The following LPGAT1 variants were observed in gnomAD, a reference collection of about 807,000 sequenced individuals.
The protein encoded by LPGAT1 is lysophosphatidylglycerol acyltransferase 1, also known as acyl-CoA:lysophosphatidylglycerol acyltransferase 1.
LPGAT1 carries 11 observed loss-of-function variants against 47.5 expected under a neutral mutation model. The observed-to-expected ratio is 0.23, with a 90% CI of 0.15 to 0.38. The LOEUF is 0.38. LPGAT1 is among the 10% of genes least tolerant of loss of function. The pLI, the probability that LPGAT1 is intolerant of heterozygous loss-of-function variation, is 1.00. For synonymous variants in LPGAT1, 138 were observed against 144.2 expected (o/e 0.96, Z 0.31); for missense variants, 293 against 439.0 (o/e 0.67, Z 2.97).
At chr1:211,788,678 T>C (rs537740021) in intron 3 of LPGAT1, among the ~76,000 whole-genome samples, 13 of 151,156 alleles carry the variant, frequency 8.6e-5, no homozygotes, top group African/African-American at 2.9e-4. Context: ...AGAGACTCTT[T>C]ATTAAAAAAA....
At chr1:211,755,217 A>G (rs919213652) in intron 6 of LPGAT1, among the ~76,000 whole-genome samples, 5 of 151,938 alleles carry the variant, frequency 3.3e-5, no homozygotes, top group African/African-American at 1.2e-4. Flanking sequence ...ATGCGCCTGT[A>G]GTCCCAGCTA....
At chr1:211,782,688 T>C (rs547498823) in intron 5 of LPGAT1, among the ~76,000 whole-genome samples, 22 of 151,992 alleles carry the variant, frequency 1.4e-4, no homozygotes, top group African/African-American at 5.3e-4. Flanking sequence ...TGAGCTATGA[T>C]CATACCACTG....
intron 2 of LPGAT1, among the ~76,000 whole-genome samples, chr1:211,806,617 CA>C (rs1359643329): frequency 3.3e-5 from 5 of 152,198 alleles, no homozygotes; most frequent in East Asian, 3.9e-4. Context: ...CAGCATCATG[CA>C]ATATACTCAT....
rs534519729 is a variant in LPGAT1 at position 211,768,094 on chromosome 1, G to A, written c.854+10824C>T. 1.3e-5 allele frequency among the ~76,000 whole-genome samples: 2 copies of A among 152,106 alleles called. 1 individual carries two copies. The highest frequency in any genetic ancestry group is 3.9e-4 in the East Asian group (2 of 5,178). On this transcript the variant is annotated intron_variant, in intron 6 of 7. Transcript: ENST00000366997. Reference sequence around the variant, plus strand: ...ATTATGTAAATTAAAATCTCTTAAAGCTCAGTTTTAAATTATGGATAAAAC... The same window carrying A: ...ATTATGTAAATTAAAATCTCTTAAAACTCAGTTTTAAATTATGGATAAAAC...
chr1:211,795,770 CA>C (rs1659327875), intron 2 of LPGAT1, among the ~76,000 whole-genome samples: 2 of 152,198 alleles, frequency 1.3e-5, no homozygotes, highest in South Asian at 4.1e-4. Flanking sequence ...CATACAAACA[CA>C]CAAACACACA....
At chr1:211,799,815 T>C (rs1367257210) in intron 2 of LPGAT1, among the ~76,000 whole-genome samples, 2 of 152,210 alleles carry the variant, frequency 1.3e-5, no homozygotes, top group African/African-American at 2.4e-5. Flanking sequence ...TTGTCTTAAA[T>C]ATAATATGCT....
chr1:211,765,362 A>G (rs572192352), intron 6 of LPGAT1, among the ~76,000 whole-genome samples: 148 of 152,340 alleles, frequency 9.7e-4, no homozygotes, highest in African/African-American at 3.4e-3. Context: ...AGTTAAATGA[A>G]AAGGTTAGAC....
intron 6 of LPGAT1, among the ~76,000 whole-genome samples, chr1:211,778,007 T>C (rs1388272707): frequency 3.9e-5 from 6 of 152,134 alleles, no homozygotes; most frequent in Admixed American, 1.3e-4. Flanking sequence ...AGTTTACAAA[T>C]ACCATGGCAA....
At chr1:211,756,449 G>C (rs1471802670) in intron 6 of LPGAT1, among the ~76,000 whole-genome samples, 1 of 152,080 alleles carries the variant, frequency 6.6e-6, no homozygotes, top group Non-Finnish European at 1.5e-5. Flanking sequence ...TCCCACCTCA[G>C]CCTGAGTAGC....
At chr1:211,762,589 T>A (rs911200297) in intron 6 of LPGAT1, among the ~76,000 whole-genome samples, 1 of 152,220 alleles carries the variant, frequency 6.6e-6, no homozygotes, top group African/African-American at 2.4e-5. Flanking sequence ...GGAGTGCTTG[T>A]GGGATTTAAA....
At chr1:211,772,199 G>A (rs12046116) in intron 6 of LPGAT1, among the ~76,000 whole-genome samples, 2 of 152,080 alleles carry the variant, frequency 1.3e-5, no homozygotes, top group Non-Finnish European at 2.9e-5. Context: ...ATAGTTTGTC[G>A]TTTCTCCATT....
At chr1:211,773,484 T>A (rs914610605) in intron 6 of LPGAT1, among the ~76,000 whole-genome samples, 6 of 152,212 alleles carry the variant, frequency 3.9e-5, no homozygotes, top group Non-Finnish European at 7.4e-5. Flanking sequence ...AAGTTACACA[T>A]GAAAACAACA....
Position 211,783,221 on chromosome 1 carries a change from C to A in LPGAT1, c.727+8G>T. 6.3e-7 allele frequency: 1 copy of A among 1,596,126 alleles called. No individual in the cohort carries two copies. The highest frequency in any genetic ancestry group is 8.6e-7 in the Non-Finnish European group (1 of 1,167,658). ...CAACAAGGTAAAAAATGCTAAAAAC[C>A]ATCATACCTAATTCTTTAGCATCTC... On this transcript the variant is annotated splice_region_variant and intron_variant, in intron 5 of 7. Transcript: ENST00000366997.
At chr1:211,774,993 C>T (rs1465356248) in intron 6 of LPGAT1, among the ~76,000 whole-genome samples, 1 of 151,964 alleles carries the variant, frequency 6.6e-6, no homozygotes, top group East Asian at 1.9e-4. Flanking sequence ...CTTATTAACA[C>T]AGTATGAAGG....
At chr1:211,776,642 G>C (rs1402179432) in intron 6 of LPGAT1, among the ~76,000 whole-genome samples, 2 of 151,700 alleles carry the variant, frequency 1.3e-5, no homozygotes, top group Non-Finnish European at 2.9e-5. Context: ...ATCTTTTTAA[G>C]TCTGCTAAGA....
chr1:211,830,339 A>T lies in LPGAT1; in HGVS notation c.-28+234T>A. The stretch of plus-strand genomic sequence containing the variant: ...ACTCCCCTCGCGGCTGCCTGCGGAC[A>T]GAGGGACGGCGGGGACTCAGAGGCC... On this transcript the variant is annotated intron_variant, in intron 1 of 7. Transcript: ENST00000366997. This position sits in a 1 kb window ranked among gnomAD's most constrained non-coding sequence, Gnocchi z 5.9. The T allele has an allele frequency of 8.8e-7, 1 of 1,131,160 alleles. No homozygotes were observed. The highest frequency in any genetic ancestry group is 1.1e-6 in the Non-Finnish European group (1 of 923,658). 70.1% of individuals were successfully genotyped at this position (1,131,160 alleles called of 1,614,324 possible).
intron 2 of LPGAT1, among the ~76,000 whole-genome samples, chr1:211,807,267 A>C (rs1226677782): frequency 6.6e-6 from 1 of 152,230 alleles, no homozygotes; most frequent in Non-Finnish European, 1.5e-5. Flanking sequence ...GAAATCAAAA[A>C]AGCTCAAAAT....
At chr1:211,800,412 C>T (rs764196046) in intron 2 of LPGAT1, among the ~76,000 whole-genome samples, 17 of 152,028 alleles carry the variant, frequency 1.1e-4, no homozygotes, top group East Asian at 1.9e-4. Context: ...GCTTCCACTC[C>T]GCCTATCTAT....
Position 211,747,008 on chromosome 1 carries a change from A to T in LPGAT1, c.*2891T>A, listed in dbSNP as rs1487945118. On this transcript the variant is annotated 3_prime_UTR_variant, in exon 8 of 8. Transcript: ENST00000366997. ...AGGCAGTCTAGCCAAGACCAAGAAGAGCTGAGCTTCTACAAGCTATTGATA... is the reference window on the plus strand; with the variant it reads ...AGGCAGTCTAGCCAAGACCAAGAAGTGCTGAGCTTCTACAAGCTATTGATA... 2 of 152,190 alleles carry T rather than the reference A, an allele frequency of 1.3e-5. No homozygotes were observed. Among genetic ancestry groups the T allele is most frequent in the East Asian group, 3.8e-4 (2 of 5,206 alleles). The allele number at this position is 152,190 out of a possible 1,614,324, so 9.4% of individuals were successfully genotyped here. A position where few individuals can be genotyped will look rare whatever the true frequency, so the allele number is the denominator to read the frequency against.
Sources: gnomAD v4.1 joint callset for allele counts (sites outside exome capture counted in the v4.1 genomes callset) on GRCh38, gnomAD v4.1.1 for gene constraint, Gnocchi (gnomAD v3.1) non-coding constraint, MANE v1.5 for transcripts, NCBI Gene and HGNC (gene_info 2026-07-23, HGNC 2026-07-21) for gene names.